The following MBD5 variants were observed in gnomAD, a reference collection of about 807,000 sequenced individuals.
MBD5 encodes the protein methyl-CpG binding domain protein 5.
In MBD5, 13 loss-of-function variants were observed where a neutral mutation model predicts 117.3. The observed-to-expected ratio is 0.11, with a 90% CI of 0.07 to 0.18. The LOEUF is 0.18. MBD5 is among the 10% of genes least tolerant of loss of function. The pLI is 1.00. For missense variants in MBD5, 1,879 were observed against 2,093.8 expected (o/e 0.90, Z 2.00); for synonymous variants, 727 against 766.4 (o/e 0.95, Z 0.85).
At chr2:148,035,817 G>C (rs1178513630) in intron 1 of MBD5, among the ~76,000 whole-genome samples, 2 of 152,046 alleles carry the variant, frequency 1.3e-5, no homozygotes, top group Non-Finnish European at 2.9e-5. Flanking sequence ...CTAGTCAGTT[G>C]TGTCCACCTC....
At chr2:148,255,009 G>A (rs1700551554) in intron 3 of MBD5, among the ~76,000 whole-genome samples, 1 of 152,202 alleles carries the variant, frequency 6.6e-6, no homozygotes, top group Admixed American at 6.5e-5. Context: ...TGCAGATGCT[G>A]AATGCATGTG....
chr2:148,462,686 TA>T lies in MBD5; in HGVS notation c.216+4del. The T allele has an allele frequency of 6.3e-7, 1 of 1,579,418 alleles. No individual in the cohort carries two copies. Among genetic ancestry groups the T allele is most frequent in the Non-Finnish European group, 8.7e-7 (1 of 1,149,108 alleles). ...GAATGTCCTCTTATTCTTCCCAAGG[TA>T]ACCATTTCACAATAGATCTACAGCA... On this transcript the variant is annotated splice_donor_region_variant and intron_variant, in intron 6 of 13. Transcript: ENST00000642680.
chr2:148,161,489 G>A (rs1020702440), intron 1 of MBD5, among the ~76,000 whole-genome samples: 4 of 152,190 alleles, frequency 2.6e-5, no homozygotes, highest in African/African-American at 9.6e-5. Context: ...TTGAGGAAGT[G>A]TTGTCCACAC....
rs1337150431 is a variant in MBD5 at position 148,468,513 on chromosome 2, A to G, written c.570A>G (p.Gln190=). The G allele has an allele frequency of 6.2e-7, 1 of 1,613,918 alleles. No individual in the cohort carries two copies. Among genetic ancestry groups the G allele is most frequent in the Non-Finnish European group, 8.5e-7 (1 of 1,179,862 alleles). Reference sequence around the variant, plus strand: ...ATGTACAAGAACTGCCTGGAAGCCAACAACAAGAACTCCACCCTGTCTACC... The same window carrying G: ...ATGTACAAGAACTGCCTGGAAGCCAGCAACAAGAACTCCACCCTGTCTACC... ...RLYVQELPGS[Q]QQELHPVYPR... Residue 190 remains glutamine (Q), a synonymous_variant, in exon 8 of 14, where the codon CAA becomes CAG. Transcript: ENST00000642680.
intron 4 of MBD5, among the ~76,000 whole-genome samples, chr2:148,368,413 G>C (rs1172097645): frequency 6.6e-6 from 1 of 151,922 alleles, no homozygotes; most frequent in Non-Finnish European, 1.5e-5. Context: ...ACCATGGCAT[G>C]TGTATACCTA....
At chr2:148,187,664 G>C (rs2105887665) in intron 2 of MBD5, among the ~76,000 whole-genome samples, 1 of 151,742 alleles carries the variant, frequency 6.6e-6, no homozygotes, top group Non-Finnish European at 1.5e-5. Flanking sequence ...AAAAGATGAA[G>C]ACTTATAAAC....
In MBD5 at chr2:148,516,358, T is replaced by C. The variant is rs1363911298; in HGVS notation, c.*3417T>C. ...AAAAGAAAGACAAAATACTAGACCT[T>C]GCTGAAAATTGGATATCTTATTTAC... On this transcript the variant is annotated 3_prime_UTR_variant, in exon 14 of 14. Coordinates refer to ENST00000642680, the MANE Select transcript of MBD5 (RefSeq NM_001378120.1). The C allele has an allele frequency of 1.3e-5, 2 of 152,202 alleles. No individual in the cohort carries two copies. Among genetic ancestry groups the C allele is most frequent in the Non-Finnish European group, 2.9e-5 (2 of 68,028 alleles). The allele number at this position is 152,202 out of a possible 1,614,324, so 9.4% of individuals were successfully genotyped here.
intron 10 of MBD5, among the ~76,000 whole-genome samples, chr2:148,488,799 A>T (rs1681421246): frequency 6.6e-6 from 1 of 152,170 alleles, no homozygotes; most frequent in Admixed American, 6.5e-5. Context: ...TTCTGCAAAC[A>T]GCCATTGTCA....
At position 148,050,200 on chromosome 2, in the gene MBD5, G is replaced by C. The variant is rs1694656620; in HGVS notation, c.-925+28516G>C. Among the ~76,000 whole-genome samples, 4 of 151,966 alleles carry C rather than the reference G, an allele frequency of 2.6e-5. 1 individual carries two copies. The South Asian group carries it at 8.3e-4, about 32-fold the overall frequency. On this transcript the variant is annotated intron_variant, in intron 1 of 13. Transcript: ENST00000642680. ...TTTCTCAGCTTCCTTACCAACACTT[G>C]TTGTGTCTTTTTTGTTACAGCCATC...
At chr2:148,277,057 A>C (rs1171312977) in intron 3 of MBD5, among the ~76,000 whole-genome samples, 2 of 152,186 alleles carry the variant, frequency 1.3e-5, no homozygotes, top group African/African-American at 4.8e-5. Context: ...CATCACTCTT[A>C]AGGGGCAATT....
chr2:148,222,967 G>A (rs903896309), intron 2 of MBD5, among the ~76,000 whole-genome samples: 24 of 151,852 alleles, frequency 1.6e-4, no homozygotes, highest in African/African-American at 5.1e-4. Flanking sequence ...TTTAATGGTG[G>A]ATTATAAAGG....
chr2:148,044,917 CA>C (rs2105712216), intron 1 of MBD5: 1 of 152,190 alleles, frequency 6.6e-6, no homozygotes, highest in Non-Finnish European at 1.5e-5. Flanking sequence ...TTATTTTCCT[CA>C]GTAAAAATTT....
At chr2:148,040,336 T>TA (rs1439073977) in intron 1 of MBD5, among the ~76,000 whole-genome samples, 1 of 152,000 alleles carries the variant, frequency 6.6e-6, no homozygotes, top group Non-Finnish European at 1.5e-5. Context: ...CAGCCTTTCA[T>TA]AAAAAAATCC....
chr2:148,274,637 T>C (rs1276270040), intron 3 of MBD5, among the ~76,000 whole-genome samples: 3 of 151,860 alleles, frequency 2.0e-5, no homozygotes, highest in African/African-American at 7.2e-5. Context: ...AAATACTTAG[T>C]GTCTTTGGAA....
In MBD5 at chr2:148,458,383, T is replaced by G. The variant is rs1706949054; in HGVS notation, c.-376T>G. On this transcript the variant is annotated 5_prime_UTR_variant, in exon 5 of 14. Transcript: ENST00000642680. ...ACCAGTTTCTAAACAATAGAGATTG[T>G]CTTAGTACAACATCAAGGTTCAAGA... 1.9e-6 allele frequency: 1 copy of G among 512,902 alleles called. No homozygotes were observed. The highest frequency in any genetic ancestry group is 1.9e-5 in the African/African-American group (1 of 52,666). 31.8% of individuals were successfully genotyped at this position (512,902 alleles called of 1,614,324 possible).
intron 8 of MBD5, among the ~76,000 whole-genome samples, chr2:148,479,096 TC>T (rs139700958): frequency 1.1e-3 from 161 of 152,304 alleles, no homozygotes; most frequent in African/African-American, 3.8e-3. Flanking sequence ...CAAATTTTCC[TC>T]CATCTATAAA....
chr2:148,133,392 T>G (rs1455274089), intron 1 of MBD5, among the ~76,000 whole-genome samples: 2 of 152,262 alleles, frequency 1.3e-5, no homozygotes, highest in Non-Finnish European at 2.9e-5. Flanking sequence ...GAGATATGAA[T>G]TTGCCCTTGT....
intron 4 of MBD5, among the ~76,000 whole-genome samples, chr2:148,419,341 G>T (rs1366914621): frequency 1.3e-5 from 2 of 152,074 alleles, no homozygotes; most frequent in African/African-American, 4.8e-5. Context: ...ATATCTTTTA[G>T]AAGGCCATCG....
chr2:148,211,967 T>C (rs1699434635), intron 2 of MBD5, among the ~76,000 whole-genome samples: 1 of 152,124 alleles, frequency 6.6e-6, no homozygotes, highest in African/African-American at 2.4e-5. Flanking sequence ...CAGGCTGGTC[T>C]CAAATTTCTG....
Sources: gnomAD v4.1 joint callset for allele counts (sites outside exome capture counted in the v4.1 genomes callset) on GRCh38, gnomAD v4.1.1 for gene constraint, MANE v1.5 for transcripts, NCBI Gene and HGNC (gene_info 2026-07-23, HGNC 2026-07-21) for gene names.